The following KAZN variants were observed in gnomAD, a reference collection of about 807,000 sequenced individuals.
The protein encoded by KAZN is kazrin, periplakin interacting protein.
KAZN carries 40 observed loss-of-function variants against 87.4 expected under a neutral mutation model. The ratio of observed to expected loss-of-function variants is 0.46; its 90% CI spans 0.36 to 0.60. The LOEUF (loss-of-function observed/expected upper bound fraction) is 0.60. KAZN is among the 20% of genes least tolerant of loss of function. The probability of loss-of-function intolerance (pLI) is 0.00; values close to 1 mark genes in which losing one functional copy is unlikely to be tolerated. For missense variants in KAZN, 898 were observed against 1,073.9 expected (o/e 0.84, Z 2.29); for synonymous variants, 466 against 458.3 (o/e 1.02, Z -0.22).
intron 2 of KAZN, among the ~76,000 whole-genome samples, chr1:14,961,735 A>G (rs949495045): frequency 6.6e-6 from 1 of 152,220 alleles, no homozygotes; most frequent in Non-Finnish European, 1.5e-5. Context: ...CCTTCTTTCC[A>G]CTTACCATTC....
intron 2 of KAZN, among the ~76,000 whole-genome samples, chr1:14,432,813 A>G (rs1374676018): frequency 6.6e-6 from 1 of 152,100 alleles, no homozygotes; most frequent in African/African-American, 2.4e-5. Flanking sequence ...TGTAAGTGAG[A>G]ACATGCGGTG....
At chr1:14,806,180 C>A (rs1344955854) in intron 1 of KAZN, among the ~76,000 whole-genome samples, 1 of 152,184 alleles carries the variant, frequency 6.6e-6, no homozygotes, top group South Asian at 2.1e-4. Context: ...TGAAGCTCCT[C>A]AAGGGTGTGG....
At chr1:14,419,054 T>C (rs1272656656) in intron 2 of KAZN, among the ~76,000 whole-genome samples, 2 of 152,212 alleles carry the variant, frequency 1.3e-5, no homozygotes, top group African/African-American at 4.8e-5. Context: ...GGATGCTATA[T>C]ATTTTTATTC....
intron 1 of KAZN, among the ~76,000 whole-genome samples, chr1:14,064,280 G>A (rs747204502): frequency 6.0e-4 from 91 of 152,270 alleles, no homozygotes; most frequent in Non-Finnish European, 5.0e-4. Context: ...GGAGGCTGGG[G>A]GCTCTAAATT....
intron 6 of KAZN, chr1:15,062,420 C>T (rs1011829768): frequency 2.6e-5 from 4 of 152,586 alleles, no homozygotes; most frequent in African/African-American, 4.8e-5. Context: ...ACTTCCTCAA[C>T]CCTTTTTATC....
chr1:15,092,052 G>GTTTTTT (rs1182724737), intron 8 of KAZN, among the ~76,000 whole-genome samples: 5 of 82,634 alleles, frequency 6.1e-5, no homozygotes, highest in African/African-American at 1.6e-4. Context: ...CAGAGGTTTT[G>GTTTTTT]TTTTTTTGTT....
intron 2 of KAZN, among the ~76,000 whole-genome samples, chr1:14,509,002 C>T (rs1670762409): frequency 6.6e-6 from 1 of 152,180 alleles, no homozygotes; most frequent in African/African-American, 2.4e-5. Context: ...TTATTGGAAC[C>T]AGTGGAAATT....
intron 2 of KAZN, among the ~76,000 whole-genome samples, chr1:14,420,523 G>A (rs1035911402): frequency 6.6e-6 from 1 of 152,208 alleles, no homozygotes; most frequent in African/African-American, 2.4e-5. Context: ...CCCTTGGGCA[G>A]TCAGTGGGAC....
chr1:14,988,835 C>T lies in KAZN; in HGVS notation c.418+27960C>T, dbSNP rs537315970. Among the ~76,000 whole-genome samples, 14 of 152,278 alleles carry T rather than the reference C, an allele frequency of 9.2e-5. No homozygotes were observed. In the South Asian group the frequency reaches 2.9e-3, roughly 32 times the overall value. ...AGGGGCACCCAGCAAAAACCAGCTG[C>T]AGGCCACGGCCCTCCGGGGCTTCTC... is the stretch of plus-strand genomic sequence containing the variant. On this transcript the variant is annotated intron_variant, in intron 2 of 14. Transcript: ENST00000376030.
chr1:14,944,704 C>T (rs1006060236), intron 1 of KAZN, among the ~76,000 whole-genome samples: 2 of 152,324 alleles, frequency 1.3e-5, no homozygotes, highest in South Asian at 2.1e-4. Flanking sequence ...GTTGGCTGGC[C>T]TTTATTTAGG....
chr1:14,114,326 G>A (rs551322585), intron 1 of KAZN, among the ~76,000 whole-genome samples: 1 of 152,236 alleles, frequency 6.6e-6, no homozygotes, highest in African/African-American at 2.4e-5. Flanking sequence ...GCAGGACTTT[G>A]ATGCTCCCCA....
chr1:14,969,817 A>ATT (rs1557671601), intron 2 of KAZN, among the ~76,000 whole-genome samples: 4 of 151,952 alleles, frequency 2.6e-5, no homozygotes, highest in Admixed American at 6.5e-5. Context: ...TTTATTTTAT[A>ATT]TTATTTTTCG....
intron 2 of KAZN, among the ~76,000 whole-genome samples, chr1:14,296,275 T>G (rs1538534): frequency 0.086 from 13,035 of 152,288 alleles, 724 homozygotes; most frequent in African/African-American, 0.16. Context: ...TAGGGCCTTT[T>G]CTTGCTGTTA....
At chr1:14,003,870 G>T (rs1364632167) in intron 1 of KAZN, among the ~76,000 whole-genome samples, 7 of 152,084 alleles carry the variant, frequency 4.6e-5, no homozygotes, top group Non-Finnish European at 7.4e-5. Flanking sequence ...AAAGGAACTG[G>T]TAAATAGGAC....
intron 1 of KAZN, among the ~76,000 whole-genome samples, chr1:14,673,694 C>G (rs928883419): frequency 1.3e-5 from 2 of 152,192 alleles, no homozygotes; most frequent in Non-Finnish European, 2.9e-5. Flanking sequence ...GTGACTTTGA[C>G]AGAAACTTAC....
chr1:14,493,842 G>A (rs1669805568), intron 2 of KAZN, among the ~76,000 whole-genome samples: 1 of 152,060 alleles, frequency 6.6e-6, no homozygotes, highest in Non-Finnish European at 1.5e-5. Flanking sequence ...TGTTCTTTTT[G>A]GCCTCATGGC....
chr1:14,220,393 A>C (rs1298195328), intron 2 of KAZN, among the ~76,000 whole-genome samples: 1 of 152,112 alleles, frequency 6.6e-6, no homozygotes, highest in Non-Finnish European at 1.5e-5. Flanking sequence ...AGAATCTTTG[A>C]GTCATCCCTA....
At chr1:14,815,373 A>G (rs778060030) in intron 1 of KAZN, among the ~76,000 whole-genome samples, 3 of 152,158 alleles carry the variant, frequency 2.0e-5, no homozygotes, top group Admixed American at 6.5e-5. Context: ...AAGGTTAAAT[A>G]AACACTAGAC....
chr1:14,076,978 G>A (rs1336046814), intron 1 of KAZN, among the ~76,000 whole-genome samples: 1 of 152,144 alleles, frequency 6.6e-6, no homozygotes, highest in Admixed American at 6.5e-5. Flanking sequence ...GCCAAGTGGT[G>A]TGATTGATTC....
Sources: gnomAD v4.1 joint callset for allele counts (sites outside exome capture counted in the v4.1 genomes callset) on GRCh38, gnomAD v4.1.1 for gene constraint, MANE v1.5 for transcripts, NCBI Gene and HGNC (gene_info 2026-07-23, HGNC 2026-07-21) for gene names.